The following CDH12 variants were observed in gnomAD, a reference collection of about 807,000 sequenced individuals.
CDH12 encodes the protein cadherin 12.
A neutral mutation model predicts 74.1 loss-of-function variants in CDH12; 41 were observed. The observed-to-expected ratio is 0.55, with a 90% CI of 0.43 to 0.72. The LOEUF (loss-of-function observed/expected upper bound fraction) is 0.72. CDH12 is among the 30% of genes least tolerant of loss of function. The pLI is 0.00. For synonymous variants in CDH12, 399 were observed against 355.0 expected, an observed-to-expected ratio of 1.12 and a Z score of -1.39; for missense variants, 945 against 977.2, an observed-to-expected ratio of 0.97 and a Z score of 0.44.
At chr5:22,012,054 A>C (rs1737328394) in intron 5 of CDH12, among the ~76,000 whole-genome samples, 1 of 152,118 alleles carries the variant, frequency 6.6e-6, no homozygotes, top group South Asian at 2.1e-4. Context: ...TGCATCCAAA[A>C]TTTACATACT....
intron 1 of CDH12, among the ~76,000 whole-genome samples, chr5:22,700,243 C>A (rs1742644163): frequency 6.6e-6 from 1 of 152,232 alleles, no homozygotes; most frequent in South Asian, 2.1e-4. Flanking sequence ...ACCCTCCAGA[C>A]CCTTCCCTAT....
At chr5:22,521,215 C>A (rs1011857758) in intron 1 of CDH12, among the ~76,000 whole-genome samples, 2 of 151,784 alleles carry the variant, frequency 1.3e-5, no homozygotes, top group African/African-American at 4.8e-5. Flanking sequence ...ATGGGGTAAG[C>A]ATAATCCTTA....
intron 10 of CDH12, among the ~76,000 whole-genome samples, chr5:21,783,800 CT>C (rs910463479): frequency 6.6e-6 from 1 of 152,060 alleles, no homozygotes; most frequent in African/African-American, 2.4e-5. Context: ...AATATTAAAA[CT>C]TTTTCAAGCA....
chr5:22,777,487 T>C (rs1181075059), intron 1 of CDH12, among the ~76,000 whole-genome samples: 2 of 152,096 alleles, frequency 1.3e-5, no homozygotes, highest in Admixed American at 1.3e-4. Context: ...ATTATTATTA[T>C]GGGATAGATG....
intron 5 of CDH12, among the ~76,000 whole-genome samples, chr5:22,077,471 C>G (rs1742407215): frequency 6.6e-6 from 1 of 152,080 alleles, no homozygotes; most frequent in Admixed American, 6.6e-5. Flanking sequence ...TCTTCTATAA[C>G]CATTTCCAAA....
chr5:22,277,288 C>T (rs1191422576), intron 3 of CDH12, among the ~76,000 whole-genome samples: 1 of 152,162 alleles, frequency 6.6e-6, no homozygotes, highest in Non-Finnish European at 1.5e-5. Flanking sequence ...AAACTGGCTC[C>T]AGCTCAGCTA....
At chr5:21,963,671 T>C (rs1424442712) in intron 6 of CDH12, among the ~76,000 whole-genome samples, 2 of 152,150 alleles carry the variant, frequency 1.3e-5, no homozygotes, top group African/African-American at 2.4e-5. Context: ...ATATGACTTA[T>C]GTCCTTCAGA....
intron 1 of CDH12, among the ~76,000 whole-genome samples, chr5:22,572,463 GTAATT>G (rs1739587170): frequency 6.6e-6 from 1 of 151,902 alleles, no homozygotes; most frequent in Non-Finnish European, 1.5e-5. Context: ...TTAGTGGAAG[GTAATT>G]TTCATATGTA....
intron 1 of CDH12, among the ~76,000 whole-genome samples, chr5:22,670,885 T>A (rs1740867594): frequency 1.3e-5 from 2 of 152,036 alleles, no homozygotes; most frequent in South Asian, 4.1e-4. Flanking sequence ...CGTAGCAGGT[T>A]TTATTTTTTT....
At chr5:22,219,677 G>A (rs1341116295) in intron 3 of CDH12, among the ~76,000 whole-genome samples, 1 of 151,604 alleles carries the variant, frequency 6.6e-6, no homozygotes, top group African/African-American at 2.4e-5. Flanking sequence ...TGTAGTAATG[G>A]TAAAATAATG....
chr5:21,907,209 G>A (rs886726618), intron 6 of CDH12, among the ~76,000 whole-genome samples: 3 of 152,198 alleles, frequency 2.0e-5, no homozygotes, highest in Non-Finnish European at 4.4e-5. Context: ...TAACGGGAAA[G>A]AGGGGTTTAA....
At chr5:22,487,565 A>C (rs1450935306) in intron 2 of CDH12, among the ~76,000 whole-genome samples, 1 of 152,206 alleles carries the variant, frequency 6.6e-6, no homozygotes, top group African/African-American at 2.4e-5. Flanking sequence ...ACAATAAAGC[A>C]AAAACAAAAA....
chr5:22,169,765 T>C (rs1748911325), intron 4 of CDH12, among the ~76,000 whole-genome samples: 1 of 151,938 alleles, frequency 6.6e-6, no homozygotes, highest in Non-Finnish European at 1.5e-5. Context: ...CTGTGTCACA[T>C]GCTTATCCTT....
chr5:22,489,475 T>C (rs574770453), intron 2 of CDH12, among the ~76,000 whole-genome samples: 5 of 152,200 alleles, frequency 3.3e-5, no homozygotes, highest in Non-Finnish European at 7.4e-5. Flanking sequence ...TGCCATGGAA[T>C]GACATTAGAA....
chr5:22,540,486 T>C (rs1467434476), intron 1 of CDH12, among the ~76,000 whole-genome samples: 1 of 152,148 alleles, frequency 6.6e-6, no homozygotes, highest in Non-Finnish European at 1.5e-5. Flanking sequence ...TAGTTTTATG[T>C]TATAATGAAC....
chr5:22,391,945 C>G (rs2126420748), intron 3 of CDH12, among the ~76,000 whole-genome samples: 1 of 152,106 alleles, frequency 6.6e-6, no homozygotes, highest in Middle Eastern at 3.4e-3. Context: ...AATCAGAGAA[C>G]TTGAGATTTA....
intron 6 of CDH12, among the ~76,000 whole-genome samples, chr5:21,869,380 T>C (rs980888382): frequency 3.9e-5 from 6 of 152,130 alleles, no homozygotes; most frequent in African/African-American, 1.4e-4. Context: ...GCAAAGGGAA[T>C]ACAGAATGGG....
At chr5:21,932,940 G>A (rs867483123) in intron 6 of CDH12, among the ~76,000 whole-genome samples, 15 of 148,082 alleles carry the variant, frequency 1.0e-4, no homozygotes, top group African/African-American at 3.3e-4. Flanking sequence ...AAATATCCAC[G>A]TACAAAACTC....
intron 6 of CDH12, among the ~76,000 whole-genome samples, chr5:21,943,282 T>C (rs1755421075): frequency 6.6e-6 from 1 of 152,226 alleles, no homozygotes; most frequent in Non-Finnish European, 1.5e-5. Context: ...ATATAAGATA[T>C]ACTTGTTTTC....
Sources: gnomAD v4.1 joint callset for allele counts (sites outside exome capture counted in the v4.1 genomes callset) on GRCh38, gnomAD v4.1.1 for gene constraint, MANE v1.5 for transcripts, NCBI Gene and HGNC (gene_info 2026-07-23, HGNC 2026-07-21) for gene names.